Variants in ZNF804A observed in about 807,000 individuals in gnomAD.
ZNF804A encodes the protein zinc finger protein 804A.
A neutral mutation model predicts 16.5 loss-of-function variants in ZNF804A; 2 were observed. The ratio of observed to expected loss-of-function variants is 0.12; its 90% CI spans 0.05 to 0.38. The LOEUF is 0.38. Among genes scored for constraint, ZNF804A ranks in the 10% least tolerant of loss-of-function variants. The pLI, the probability that ZNF804A is intolerant of heterozygous loss-of-function variation, is 0.99. For synonymous variants in ZNF804A, 534 were observed against 489.6 expected, an observed-to-expected ratio of 1.09 and a Z score of -1.20; for missense variants, 1,473 against 1,390.7, an observed-to-expected ratio of 1.06 and a Z score of -0.94.
intron 1 of ZNF804A, among the ~76,000 whole-genome samples, chr2:184,748,571 A>G (rs1451322620): frequency 6.6e-6 from 1 of 151,248 alleles, no homozygotes; most frequent in African/African-American, 2.4e-5. Flanking sequence ...CTCCCACCCT[A>G]CAGATTGTCT....
chr2:184,894,598 T>C (rs1442217042), intron 2 of ZNF804A, among the ~76,000 whole-genome samples: 2 of 152,104 alleles, frequency 1.3e-5, no homozygotes, highest in Non-Finnish European at 2.9e-5. Flanking sequence ...AATACACATT[T>C]ATATATTACT....
At chr2:184,685,463 C>G (rs898254780) in intron 1 of ZNF804A, among the ~76,000 whole-genome samples, 1 of 152,046 alleles carries the variant, frequency 6.6e-6, no homozygotes, top group Non-Finnish European at 1.5e-5. Context: ...TTCAGTCCCC[C>G]CTTTTGTAGG....
At chr2:184,640,030 T>A (rs1011729705) in intron 1 of ZNF804A, among the ~76,000 whole-genome samples, 15 of 150,984 alleles carry the variant, frequency 9.9e-5, no homozygotes, top group East Asian at 1.9e-4. Flanking sequence ...AATAAATAAA[T>A]AAAATAAAAA....
intron 1 of ZNF804A, among the ~76,000 whole-genome samples, chr2:184,682,879 A>G (rs1692565525): frequency 6.6e-6 from 1 of 152,178 alleles, no homozygotes; most frequent in Non-Finnish European, 1.5e-5. Flanking sequence ...ATGGTGGTGT[A>G]CCCCTGTAGT....
intron 1 of ZNF804A, among the ~76,000 whole-genome samples, chr2:184,726,684 G>A (rs374103311): frequency 4.0e-5 from 6 of 151,278 alleles, no homozygotes; most frequent in South Asian, 2.1e-4. Flanking sequence ...AATTGCATTC[G>A]TTATCCATCC....
At chr2:184,894,440 T>C (rs541502106) in intron 2 of ZNF804A, among the ~76,000 whole-genome samples, 1 of 152,086 alleles carries the variant, frequency 6.6e-6, no homozygotes, top group Non-Finnish European at 1.5e-5. Context: ...CTATTAAAAA[T>C]TTTTTTATTA....
rs553478241 is a variant in ZNF804A, at chr2:184,637,406, A to C, written c.111+38336A>C. Among the ~76,000 whole-genome samples, 217 of 152,290 alleles carry C rather than the reference A, an allele frequency of 1.4e-3. 1 individual carries two copies. The highest frequency in any genetic ancestry group is 4.7e-3 in the African/African-American group (196 of 41,574). ...TAGACTTAGGAGAATATTTCCAGTA[A>C]AATCTGGATTATTATATTTAAGTCT... On this transcript the variant is annotated intron_variant, in intron 1 of 3. Coordinates refer to ENST00000302277, the MANE Select transcript of ZNF804A (RefSeq NM_194250.2).
At chr2:184,726,162 T>C (rs1167826038) in intron 1 of ZNF804A, among the ~76,000 whole-genome samples, 1 of 151,646 alleles carries the variant, frequency 6.6e-6, no homozygotes, top group East Asian at 1.9e-4. Flanking sequence ...AGAAGTGCAA[T>C]TGCTAGATTG....
intron 2 of ZNF804A, among the ~76,000 whole-genome samples, chr2:184,882,957 G>A (rs1032271229): frequency 6.6e-6 from 1 of 151,984 alleles, no homozygotes; most frequent in Non-Finnish European, 1.5e-5. Flanking sequence ...GAAAGAAATT[G>A]AGATATAAAT....
intron 1 of ZNF804A, among the ~76,000 whole-genome samples, chr2:184,834,018 A>G (rs1366567319): frequency 6.6e-6 from 1 of 152,064 alleles, no homozygotes; most frequent in Non-Finnish European, 1.5e-5. Context: ...ACTTCCACTC[A>G]CTTATTTTAG....
chr2:184,837,078 C>G (rs545374543), intron 1 of ZNF804A, among the ~76,000 whole-genome samples: 58 of 152,120 alleles, frequency 3.8e-4, no homozygotes, highest in Non-Finnish European at 6.2e-4. Flanking sequence ...TCTTCAGAAG[C>G]CTTCCTTGAC....
intron 1 of ZNF804A, among the ~76,000 whole-genome samples, chr2:184,845,162 A>G (rs1021215064): frequency 6.6e-6 from 1 of 152,008 alleles, no homozygotes; most frequent in African/African-American, 2.4e-5. Context: ...TCATAGTTAC[A>G]TTAAATTTTC....
At chr2:184,760,671 C>A (rs1476030320) in intron 1 of ZNF804A, among the ~76,000 whole-genome samples, 2 of 136,858 alleles carry the variant, frequency 1.5e-5, no homozygotes, top group Non-Finnish European at 3.4e-5. Context: ...AAGGAGACTA[C>A]AGACACCCCA....
chr2:184,898,179 A>G (rs1454737130), intron 2 of ZNF804A, among the ~76,000 whole-genome samples: 2 of 152,156 alleles, frequency 1.3e-5, no homozygotes, highest in African/African-American at 4.8e-5. Context: ...ATTAATGTAT[A>G]TACAGATAAT....
chr2:184,759,936 C>T (rs1173534547), intron 1 of ZNF804A, among the ~76,000 whole-genome samples: 1 of 152,084 alleles, frequency 6.6e-6, no homozygotes, highest in Non-Finnish European at 1.5e-5. Context: ...CGGACTCAGC[C>T]CACCTGCACC....
intron 1 of ZNF804A, among the ~76,000 whole-genome samples, chr2:184,844,910 T>C (rs1441958461): frequency 6.6e-6 from 1 of 152,078 alleles, no homozygotes. Flanking sequence ...GCTTATTTGC[T>C]TCTTTCCTTC....
At chr2:184,846,507 TG>T (rs1164099591) in intron 1 of ZNF804A, among the ~76,000 whole-genome samples, 16 of 152,226 alleles carry the variant, frequency 1.1e-4, no homozygotes, top group Middle Eastern at 3.4e-3. Flanking sequence ...ATTATATGTA[TG>T]GATTTTATAT....
chr2:184,652,125 GT>G (rs1314503398), intron 1 of ZNF804A, among the ~76,000 whole-genome samples: 6 of 152,070 alleles, frequency 3.9e-5, no homozygotes, highest in African/African-American at 1.2e-4. Context: ...ACAAAATCAA[GT>G]TTTTTTGCAG....
rs147374796 is a variant in ZNF804A, at chr2:184,700,932, A to G, written c.111+101862A>G. On this transcript the variant is annotated intron_variant, in intron 1 of 3. Coordinates refer to ENST00000302277, the MANE Select transcript of ZNF804A (RefSeq NM_194250.2). Reference sequence around the variant, plus strand: ...TTAAATCAGAGTAATGAGGATATCCATCACCTCAGACATGTATTATTTCTT... The same window carrying G: ...TTAAATCAGAGTAATGAGGATATCCGTCACCTCAGACATGTATTATTTCTT... Among the ~76,000 whole-genome samples the G allele has an allele frequency of 2.2e-3, 328 of 152,086 alleles. 1 individual carries two copies. The highest frequency in any genetic ancestry group is 6.8e-3 in the Middle Eastern group (2 of 294).
Sources: allele counts gnomAD v4.1 joint callset (sites outside exome capture counted in the v4.1 genomes callset), GRCh38; gene constraint gnomAD v4.1.1; transcripts MANE v1.5; gene names NCBI Gene and HGNC (gene_info 2026-07-23, HGNC 2026-07-21).